The following TJP1 variants were observed in gnomAD, a reference collection of about 807,000 sequenced individuals.
TJP1 encodes the protein tight junction protein ZO-1.
TJP1 carries 43 observed loss-of-function variants against 194.2 expected under a neutral mutation model. The ratio of observed to expected loss-of-function variants is 0.22; its 90% CI spans 0.17 to 0.29. The LOEUF (loss-of-function observed/expected upper bound fraction) is 0.29, where lower values mean the gene tolerates loss of function less well. Among genes scored for constraint, TJP1 ranks in the 10% least tolerant of loss-of-function variants. The pLI is 1.00. For missense variants in TJP1, 1,971 were observed against 2,185.7 expected (o/e 0.90, Z 1.96); for synonymous variants, 801 against 779.0 (o/e 1.03, Z -0.47).
At chr15:29,868,997 G>A (rs1159930726) in intron 2 of TJP1, among the ~76,000 whole-genome samples, 3 of 152,058 alleles carry the variant, frequency 2.0e-5, no homozygotes, top group South Asian at 2.1e-4. Flanking sequence ...TTTCTATAAA[G>A]GTATACAATA....
chr15:29,740,151 A>G (rs1040736777), intron 10 of TJP1, among the ~76,000 whole-genome samples: 3 of 151,446 alleles, frequency 2.0e-5, no homozygotes, highest in Admixed American at 2.0e-4. Context: ...AATTTTTTGT[A>G]TTTTTAGTAG....
intron 7 of TJP1, 152 bp downstream of exon 7, chr15:29,761,449 T>C: frequency 7.9e-7 from 1 of 1,263,890 alleles, no homozygotes; most frequent in East Asian, 2.6e-5. Flanking sequence ...TAGTGGTGAG[T>C]TGTCTACAGG....
intron 8 of TJP1, among the ~76,000 whole-genome samples, chr15:29,748,564 CTTTTTTTTTTTTTTTTTT>C (rs61364565): frequency 1.4e-5 from 1 of 73,356 alleles, no homozygotes; most frequent in African/African-American, 5.4e-5. Flanking sequence ...CTTCCTAATT[CTTTTTTTTTTTTTTTTTT>C]TTTTTTTTTT....
At chr15:29,772,680 T>C (rs975593611) in intron 3 of TJP1, among the ~76,000 whole-genome samples, 1 of 152,218 alleles carries the variant, frequency 6.6e-6, no homozygotes, top group Non-Finnish European at 1.5e-5. Context: ...AAAGGAGTTA[T>C]ACATTTTCTT....
At chr15:29,767,711 C>T (rs556544741) in intron 4 of TJP1, among the ~76,000 whole-genome samples, 16 of 152,282 alleles carry the variant, frequency 1.1e-4, no homozygotes, top group African/African-American at 3.8e-4. Context: ...CCCAGCCACT[C>T]AGCCTGCTTT....
intron 1 of TJP1, among the ~76,000 whole-genome samples, chr15:29,811,159 C>A (rs1451380858): frequency 6.6e-6 from 1 of 151,914 alleles, no homozygotes; most frequent in Non-Finnish European, 1.5e-5. Flanking sequence ...TACGATGTGG[C>A]TAGAGGGGTA....
Sources: allele counts gnomAD v4.1 joint callset (sites outside exome capture counted in the v4.1 genomes callset), GRCh38; gene constraint gnomAD v4.1.1; transcripts MANE v1.5; gene names NCBI Gene and HGNC (gene_info 2026-07-23, HGNC 2026-07-21).